GALNT2: variants seen among roughly 807,000 people sequenced by gnomAD.
GALNT2 encodes the protein UDP-GalNAc:polypeptide N-acetylgalactosaminyltransferase 2.
A neutral mutation model predicts 81.4 loss-of-function variants in GALNT2; 31 were observed. The ratio of observed to expected loss-of-function variants is 0.38; its 90% CI spans 0.29 to 0.51. The LOEUF is 0.51. Among genes scored for constraint, GALNT2 ranks in the 20% least tolerant of loss-of-function variants. The pLI is 0.87. For synonymous variants in GALNT2, 303 were observed against 287.4 expected (o/e 1.05, Z -0.55); for missense variants, 629 against 765.7 (o/e 0.82, Z 2.11).
intron 13 of GALNT2, chr1:230,263,408 G>A (rs1048603418): frequency 3.5e-5 from 7 of 198,768 alleles, no homozygotes; most frequent in Admixed American, 1.1e-4. Flanking sequence ...CCCGCCAGGC[G>A]CCTTTGCATG....
intron 1 of GALNT2, among the ~76,000 whole-genome samples, chr1:230,176,286 T>G (rs1353375459): frequency 6.6e-6 from 1 of 152,220 alleles, no homozygotes; most frequent in Non-Finnish European, 1.5e-5. Context: ...AAAAAAAAGT[T>G]TATTTTCTGG....
At chr1:230,164,547 T>C (rs1312256162) in intron 1 of GALNT2, among the ~76,000 whole-genome samples, 2 of 151,866 alleles carry the variant, frequency 1.3e-5, no homozygotes, top group East Asian at 3.9e-4. Flanking sequence ...TTTCTTTTTT[T>C]TTTTTTTAGA....
chr1:230,135,708 C>T lies in GALNT2; in HGVS notation c.127-42510C>T, dbSNP rs116183265. On this transcript the variant is annotated intron_variant, in intron 1 of 15. Coordinates refer to ENST00000366672, the MANE Select transcript of GALNT2 (RefSeq NM_004481.5). ...CTCAGATGAATGCTCTTTCCCTTTCCCTTTCCTTGAGACACAGTCTCCCTG... is the reference window on the plus strand; with the variant it reads ...CTCAGATGAATGCTCTTTCCCTTTCTCTTTCCTTGAGACACAGTCTCCCTG... Among the ~76,000 whole-genome samples the T allele has an allele frequency of 7.3e-3, 1,110 of 152,170 alleles. 20 individuals carry two copies. The highest frequency in any genetic ancestry group is 0.024 in the African/African-American group (996 of 41,516).
chr1:230,163,464 T>C (rs532282097), intron 1 of GALNT2, among the ~76,000 whole-genome samples: 1 of 152,366 alleles, frequency 6.6e-6, no homozygotes, highest in Non-Finnish European at 1.5e-5. Flanking sequence ...GTGGTGTAAC[T>C]TCTCAGGCGG....
chr1:230,083,390 A>G (rs1353632156), intron 1 of GALNT2, among the ~76,000 whole-genome samples: 1 of 144,526 alleles, frequency 6.9e-6, no homozygotes, highest in Non-Finnish European at 1.5e-5. Context: ...AGGGAGTGGG[A>G]TGATGGAGCA....
chr1:230,178,184 C>A, intron 1 of GALNT2, 34 bp from the exon 2 acceptor site: 1 of 1,532,126 alleles, frequency 6.5e-7, no homozygotes, highest in East Asian at 2.2e-5. Context: ...GCTTGAAGAA[C>A]AAGTCAACTC....
intron 2 of GALNT2, among the ~76,000 whole-genome samples, chr1:230,199,756 C>G (rs1056773556): frequency 2.6e-5 from 4 of 152,204 alleles, no homozygotes; most frequent in African/African-American, 9.7e-5. Flanking sequence ...GGGCCCACAC[C>G]AGGGTCCTGT....
chr1:230,163,074 C>A (rs1364824813), intron 1 of GALNT2, among the ~76,000 whole-genome samples: 1 of 152,140 alleles, frequency 6.6e-6, no homozygotes, highest in Admixed American at 6.5e-5. Flanking sequence ...TTCTCCTTGA[C>A]CCCTGCATTT....
chr1:230,145,610 CT>C (rs988821488), intron 1 of GALNT2, among the ~76,000 whole-genome samples: 14 of 152,220 alleles, frequency 9.2e-5, no homozygotes, highest in African/African-American at 3.1e-4. Flanking sequence ...TTTCTTTTGC[CT>C]TTTGAGATTC....
In GALNT2 at chr1:230,249,307, A is replaced by T. The variant is rs1276050926; in HGVS notation, c.905+36A>T. ...GCATCCTTCAGGGTGCCCCTCCCAG[A>T]TGAGACCCCAGGTTCCAGCTTCTTT... On this transcript the variant is annotated intron_variant, in intron 9 of 15. Coordinates refer to ENST00000366672, the MANE Select transcript of GALNT2 (RefSeq NM_004481.5). The T allele has an allele frequency of 1.9e-6, 3 of 1,586,978 alleles. No homozygotes were observed. In the African/African-American group the frequency reaches 4.0e-5, roughly 21 times the overall value.
chr1:230,225,196 T>C (rs1185188097), intron 3 of GALNT2, among the ~76,000 whole-genome samples: 1 of 152,256 alleles, frequency 6.6e-6, no homozygotes, highest in African/African-American at 2.4e-5. Flanking sequence ...TATGTTTTAA[T>C]TAAATGAACA....
chr1:230,156,227 G>GAA (rs1662249331), intron 1 of GALNT2, among the ~76,000 whole-genome samples: 30 of 148,238 alleles, frequency 2.0e-4, no homozygotes, highest in South Asian at 1.1e-3. Flanking sequence ...GAGAGAGAGA[G>GAA]AGAGAAAGAG....
intron 14 of GALNT2, among the ~76,000 whole-genome samples, chr1:230,267,944 G>A (rs1043902611): frequency 2.6e-5 from 4 of 152,194 alleles, no homozygotes; most frequent in African/African-American, 9.7e-5. Context: ...TGTGGGTCCC[G>A]CTGTGGTCCA....
intron 1 of GALNT2, among the ~76,000 whole-genome samples, chr1:230,096,926 G>A (rs912403599): frequency 6.6e-6 from 1 of 152,188 alleles, no homozygotes; most frequent in African/African-American, 2.4e-5. Context: ...ATTTCTGTCT[G>A]AATGGTTTGT....
At chr1:230,189,028 A>G (rs1386943255) in intron 2 of GALNT2, among the ~76,000 whole-genome samples, 4 of 150,812 alleles carry the variant, frequency 2.7e-5, no homozygotes, top group Non-Finnish European at 5.9e-5. Context: ...GAAGAGGAGC[A>G]GGGGCAGCTG....
At position 230,162,035 on chromosome 1, in the gene GALNT2, A is replaced by T. The variant is rs72651037; in HGVS notation, c.127-16183A>T. ...TAACCAGCAAAATTCTGTAAAAATT[A>T]AAAAAAAAATCTTGGCGCTTCCAGT... On this transcript the variant is annotated intron_variant, in intron 1 of 15. Coordinates refer to ENST00000366672, the MANE Select transcript of GALNT2 (RefSeq NM_004481.5). 5.7e-3 allele frequency among the ~76,000 whole-genome samples: 870 copies of T among 151,324 alleles called. 5 individuals are homozygous for T. The highest frequency in any genetic ancestry group is 8.8e-3 in the Non-Finnish European group (594 of 67,804).
chr1:230,170,497 A>G (rs1010034699), intron 1 of GALNT2, among the ~76,000 whole-genome samples: 2 of 152,230 alleles, frequency 1.3e-5, no homozygotes, highest in Non-Finnish European at 2.9e-5. Context: ...AGTGTTTTAC[A>G]CAGTACAGGC....
At chr1:230,232,523 T>TTG (rs1664896718) in intron 3 of GALNT2, among the ~76,000 whole-genome samples, 1 of 152,190 alleles carries the variant, frequency 6.6e-6, no homozygotes, top group Non-Finnish European at 1.5e-5. Flanking sequence ...TGCTGCCTTA[T>TTG]GTCTCTTTTT....
At chr1:230,238,938 T>TTAATAGAATTAGCCAGTCTGGACCAA (rs1665114159) in intron 6 of GALNT2, among the ~76,000 whole-genome samples, 1 of 152,168 alleles carries the variant, frequency 6.6e-6, no homozygotes, top group African/African-American at 2.4e-5. Flanking sequence ...TTTTAAATGT[T>TTAATAGAATTAGCCAGTCTGGACCAA]TAATAGAATT....
Sources: allele counts gnomAD v4.1 joint callset (sites outside exome capture counted in the v4.1 genomes callset), GRCh38; gene constraint gnomAD v4.1.1; transcripts MANE v1.5; gene names NCBI Gene and HGNC (gene_info 2026-07-23, HGNC 2026-07-21).